Variants in TSPAN1 observed in about 807,000 individuals in gnomAD.
The protein encoded by TSPAN1 is tetraspanin-1.
TSPAN1 carries 23 observed loss-of-function variants against 26.9 expected under a neutral mutation model. The observed-to-expected ratio is 0.85, with a 90% CI of 0.62 to 1.21. The LOEUF (loss-of-function observed/expected upper bound fraction) is 1.21, where lower values mean the gene tolerates loss of function less well. Among genes scored for constraint, TSPAN1 ranks in the 50% most tolerant of loss-of-function variants. The pLI, the probability that TSPAN1 is intolerant of heterozygous loss-of-function variation, is 0.00. For missense variants in TSPAN1, 283 were observed against 298.4 expected (o/e 0.95, Z 0.38); for synonymous variants, 115 against 114.8 (o/e 1.00, Z -0.01).
downstream of TSPAN1, chr1:46,190,308 T>G: frequency 1.1e-6 from 1 of 910,394 alleles, no homozygotes; most frequent in Admixed American, 1.8e-5. Flanking sequence ...CCTCCCAAAG[T>G]GCTGGGATTA....
At chr1:46,183,698 T>C (rs997550161) in intron 3 of TSPAN1, 1 of 180,058 alleles carries the variant, frequency 5.6e-6, no homozygotes, top group Non-Finnish European at 1.2e-5. Context: ...GTGAACCTTC[T>C]CAACCTCCTC....
intron 3 of TSPAN1, among the ~76,000 whole-genome samples, chr1:46,182,050 G>C (rs1657324910): frequency 6.6e-6 from 1 of 151,876 alleles, no homozygotes; most frequent in Non-Finnish European, 1.5e-5. Flanking sequence ...TAGAAGAAGG[G>C]GCAAGGGAGA....
chr1:46,188,246 C>A (rs1246674934), downstream of TSPAN1, among the ~76,000 whole-genome samples: 1 of 152,166 alleles, frequency 6.6e-6, no homozygotes, highest in Admixed American at 6.5e-5. Flanking sequence ...GCACCCTAGC[C>A]CGTCTCTTGA....
intron 3 of TSPAN1, among the ~76,000 whole-genome samples, chr1:46,181,453 C>CAGGAATGA (rs1657314102): frequency 6.6e-6 from 1 of 152,186 alleles, no homozygotes; most frequent in African/African-American, 2.4e-5. Flanking sequence ...AGTAAGCTAC[C>CAGGAATGA]AGGAATGATT....
At chr1:46,192,591 CTG>C in the TSPAN1 span, 4 of 1,613,968 alleles carry the variant, frequency 2.5e-6, no homozygotes, top group East Asian at 2.2e-5. Flanking sequence ...GCTCAGGAAA[CTG>C]AGAGAGGCAG....
chr1:46,181,345 A>C (rs1657310567), intron 3 of TSPAN1, among the ~76,000 whole-genome samples, 181 bp downstream of exon 3: 1 of 152,202 alleles, frequency 6.6e-6, no homozygotes, highest in Non-Finnish European at 1.5e-5. Flanking sequence ...AGCAGCAGCC[A>C]GGCTGCCATA....
the TSPAN1 span, among the ~76,000 whole-genome samples, chr1:46,196,360 C>T: frequency 2.6e-5 from 4 of 152,202 alleles, no homozygotes; most frequent in African/African-American, 9.7e-5. The surrounding 1 kb of genome is among the most constrained non-coding windows in gnomAD (Gnocchi z 4.4). Flanking sequence ...TCACAATCCT[C>T]CACCACACTG....
the TSPAN1 span, chr1:46,193,571 T>G: frequency 1.2e-6 from 2 of 1,614,096 alleles, no homozygotes; most frequent in South Asian, 2.2e-5. Flanking sequence ...CACCTCATAG[T>G]AGCCGTCAAT....
At chr1:46,187,008 A>G (rs573207913), downstream of TSPAN1, among the ~76,000 whole-genome samples, 231 of 151,842 alleles carry the variant, frequency 1.5e-3, 1 homozygote, top group African/African-American at 5.5e-3. Context: ...GGGTTTCACC[A>G]TGTTGGCCAG....
chr1:46,190,094 G>GTTAT, downstream of TSPAN1: 1 of 768,244 alleles, frequency 1.3e-6, no homozygotes, highest in Non-Finnish European at 2.0e-6. Context: ...CCACCTTGAA[G>GTTAT]TTCTTTTTTT....
At chr1:46,184,106 C>T (rs889369121) in intron 3 of TSPAN1, 85 bp from the exon 4 acceptor site, 21 of 1,433,150 alleles carry the variant, frequency 1.5e-5, no homozygotes, top group Admixed American at 5.1e-5. Context: ...GGAAGTTTCT[C>T]GGCTCCCATC....
intron 5 of TSPAN1, 34 bp downstream of exon 5, chr1:46,184,702 T>G (rs369161050): frequency 6.2e-7 from 1 of 1,614,014 alleles, no homozygotes; most frequent in African/African-American, 1.3e-5. Context: ...GGAAGAAGAT[T>G]GGGCAAAACC....
At chr1:46,176,014 A>G (rs1657136409) in intron 1 of TSPAN1, among the ~76,000 whole-genome samples, 2 of 152,150 alleles carry the variant, frequency 1.3e-5, no homozygotes, top group Non-Finnish European at 2.9e-5. Context: ...CTGGGACTAA[A>G]GGCGTGTGCC....
the TSPAN1 span, chr1:46,193,366 A>C: frequency 1.9e-6 from 3 of 1,613,202 alleles, no homozygotes; most frequent in South Asian, 3.3e-5. Flanking sequence ...CAGACCAAAC[A>C]GTGCCACCAC....
intron 1 of TSPAN1, among the ~76,000 whole-genome samples, chr1:46,178,895 AG>A (rs751333381): frequency 9.8e-5 from 15 of 152,354 alleles, no homozygotes; most frequent in Admixed American, 7.8e-4. Context: ...GGTTGTGAAG[AG>A]GAAAAAAAGC....
the TSPAN1 span, chr1:46,194,954 C>T: frequency 1.2e-6 from 2 of 1,614,070 alleles, no homozygotes; most frequent in Non-Finnish European, 8.5e-7. Flanking sequence ...GTGGAAGGAG[C>T]CCTCATCCTG....
At chr1:46,191,923 C>T in the TSPAN1 span, 159 of 1,075,866 alleles carry the variant, frequency 1.5e-4, no homozygotes, top group Non-Finnish European at 1.8e-4. Flanking sequence ...CGTGAGCCAC[C>T]GCGCCCAGCC....
the TSPAN1 span, chr1:46,194,387 A>G: frequency 6.2e-7 from 1 of 1,614,200 alleles, no homozygotes. Flanking sequence ...GTGTCTGCCC[A>G]GTGGCACTCT....
downstream of TSPAN1, among the ~76,000 whole-genome samples, chr1:46,186,664 GT>G (rs759573351): frequency 3.0e-3 from 213 of 71,820 alleles, 1 homozygote; most frequent in African/African-American, 0.01. Flanking sequence ...TAATTTTTGT[GT>G]TTTTTTTTTT....
Sources: allele counts gnomAD v4.1 joint callset (sites outside exome capture counted in the v4.1 genomes callset), GRCh38; gene constraint gnomAD v4.1.1; non-coding constraint Gnocchi (gnomAD v3.1); transcripts MANE v1.5; gene names NCBI Gene and HGNC (gene_info 2026-07-23, HGNC 2026-07-21).